Variants in CDH20 observed in about 807,000 individuals in gnomAD.
CDH20 encodes cadherin-20.
In CDH20, 29 loss-of-function variants were observed where a neutral mutation model predicts 74.2. The observed-to-expected ratio is 0.39, with a 90% confidence interval of 0.29 to 0.53. CDH20 has a LOEUF of 0.53. CDH20 is among the 20% of genes least tolerant of loss of function. The pLI is 0.69. For synonymous variants in CDH20, 469 were observed against 405.4 expected, an observed-to-expected ratio of 1.16 and a Z score of -1.88; for missense variants, 988 against 1,048.3, an observed-to-expected ratio of 0.94 and a Z score of 0.79.
At chr18:61,335,639 G>T (rs971914403) in intron 1 of CDH20, among the ~76,000 whole-genome samples, 14 of 152,102 alleles carry the variant, frequency 9.2e-5, no homozygotes, top group African/African-American at 3.4e-4. Context: ...TCTGATTTTC[G>T]CTCTCTGCAG....
rs891100512 is a variant in CDH20 at position 61,554,686 on chromosome 18, G to A, written c.2397G>A (p.Pro799=). The A allele has an allele frequency of 2.6e-6, 4 of 1,566,122 alleles. No homozygotes were observed. Among genetic ancestry groups the A allele is most frequent in the South Asian group, 1.1e-5 (1 of 87,160 alleles). The change falls in exon 12 of 12, where the codon CCG becomes CCA. Residue 799 remains proline, a synonymous_variant. Coordinates refer to ENST00000262717, the MANE Select transcript of CDH20 (RefSeq NM_031891.4). ...ACGGGGCGTCGGAGGGACCCGCGCC[G>A]CTGTGGTGACGGAAGCCAGGAGGCA... ...ELYGASEGPA[P]LW
chr18:61,394,013 G>A (rs977591540), intron 1 of CDH20, among the ~76,000 whole-genome samples: 18 of 152,172 alleles, frequency 1.2e-4, no homozygotes, highest in East Asian at 1.9e-4. Flanking sequence ...ATCTGATGGC[G>A]TCTCACTTAC....
intron 1 of CDH20, among the ~76,000 whole-genome samples, chr18:61,482,296 G>T (rs909148912): frequency 2.6e-5 from 4 of 152,136 alleles, no homozygotes; most frequent in African/African-American, 7.2e-5. Flanking sequence ...TATCACGTTG[G>T]CTCTAACTAG....
intron 1 of CDH20, among the ~76,000 whole-genome samples, chr18:61,384,247 C>A (rs1023849299): frequency 9.9e-5 from 15 of 152,094 alleles, no homozygotes; most frequent in Admixed American, 3.3e-4. Flanking sequence ...AGATTAAAAT[C>A]GTTTATCATC....
At chr18:61,350,910 C>G (rs879445388) in intron 1 of CDH20, among the ~76,000 whole-genome samples, 3 of 152,138 alleles carry the variant, frequency 2.0e-5, no homozygotes, top group Non-Finnish European at 4.4e-5. Flanking sequence ...AACCCTGCCT[C>G]AACCTAACAG....
chr18:61,501,514 C>T (rs543086786), intron 4 of CDH20, among the ~76,000 whole-genome samples: 59 of 152,026 alleles, frequency 3.9e-4, no homozygotes, highest in Non-Finnish European at 6.3e-4. Flanking sequence ...TAACAAGGAA[C>T]TTGAGTAAAG....
chr18:61,440,809 G>C (rs1016734285), intron 1 of CDH20, among the ~76,000 whole-genome samples: 1 of 152,274 alleles, frequency 6.6e-6, no homozygotes, highest in South Asian at 2.1e-4. Flanking sequence ...GATGGGGGAA[G>C]GGCACAGGTC....
intron 2 of CDH20, among the ~76,000 whole-genome samples, chr18:61,494,494 T>C (rs1911064669): frequency 6.6e-6 from 1 of 152,210 alleles, no homozygotes; most frequent in African/African-American, 2.4e-5. Context: ...TTAGGTGTGT[T>C]ACCTCTACAT....
chr18:61,516,504 C>A (rs1730384437), intron 6 of CDH20, among the ~76,000 whole-genome samples: 1 of 152,140 alleles, frequency 6.6e-6, no homozygotes, highest in South Asian at 2.1e-4. Context: ...AGTTTCATTA[C>A]TATTTTGTGC....
At chr18:61,415,394 C>T (rs775117261) in intron 1 of CDH20, among the ~76,000 whole-genome samples, 5 of 152,154 alleles carry the variant, frequency 3.3e-5, no homozygotes, top group Admixed American at 1.3e-4. Flanking sequence ...GGAGCACAGG[C>T]ATTGTAAAGG....
intron 4 of CDH20, among the ~76,000 whole-genome samples, chr18:61,502,692 T>C (rs1347460789): frequency 6.6e-6 from 1 of 152,202 alleles, no homozygotes; most frequent in Non-Finnish European, 1.5e-5. Context: ...TGCTGCCACC[T>C]CCTGTTCACT....
chr18:61,344,658 T>C (rs572449131), intron 1 of CDH20, among the ~76,000 whole-genome samples: 18 of 152,312 alleles, frequency 1.2e-4, no homozygotes, highest in African/African-American at 4.3e-4. Context: ...GAGTTAACTT[T>C]AAGTAAATGA....
At chr18:61,507,700 AC>A in intron 6 of CDH20, 140 bp downstream of exon 6, 16 of 546,084 alleles carry the variant, frequency 2.9e-5, no homozygotes, top group Non-Finnish European at 4.2e-5. Flanking sequence ...AAAAAAAAAA[AC>A]ACACAGAAAA....
chr18:61,374,478 T>G (rs1283903584), intron 1 of CDH20, among the ~76,000 whole-genome samples: 2 of 152,110 alleles, frequency 1.3e-5, no homozygotes, highest in Non-Finnish European at 2.9e-5. Context: ...AACAAATTTG[T>G]GCACATTACT....
intron 1 of CDH20, among the ~76,000 whole-genome samples, chr18:61,452,215 A>G (rs1383511150): frequency 1.3e-5 from 2 of 152,160 alleles, no homozygotes; most frequent in Non-Finnish European, 2.9e-5. Context: ...TCCAGTCTTC[A>G]TAACTCTAGG....
At chr18:61,366,560 G>C (rs1233707031) in intron 1 of CDH20, among the ~76,000 whole-genome samples, 1 of 152,126 alleles carries the variant, frequency 6.6e-6, no homozygotes, top group Non-Finnish European at 1.5e-5. Context: ...CAGGTGGTAT[G>C]AGTTAAAGTA....
chr18:61,348,228 A>G (rs1029398736), intron 1 of CDH20, among the ~76,000 whole-genome samples: 3 of 152,166 alleles, frequency 2.0e-5, no homozygotes, highest in Admixed American at 2.0e-4. Flanking sequence ...GCTTGCTCCT[A>G]TCATTCCCAC....
intron 1 of CDH20, among the ~76,000 whole-genome samples, chr18:61,449,120 G>A (rs550010740): frequency 5.9e-5 from 9 of 152,100 alleles, no homozygotes; most frequent in Admixed American, 4.6e-4. Context: ...AAAGTCAAAC[G>A]TGAGCCCAAA....
intron 1 of CDH20, among the ~76,000 whole-genome samples, chr18:61,475,283 T>G (rs1910331516): frequency 6.6e-6 from 1 of 152,046 alleles, no homozygotes; most frequent in African/African-American, 2.4e-5. Context: ...GATATAGGGG[T>G]GTGAAGGTGG....
Sources: gnomAD v4.1 joint callset for allele counts (sites outside exome capture counted in the v4.1 genomes callset) on GRCh38, gnomAD v4.1.1 for gene constraint, MANE v1.5 for transcripts, NCBI Gene and HGNC (gene_info 2026-07-23, HGNC 2026-07-21) for gene names.